The following KCND2 variants were observed in gnomAD, a reference collection of about 807,000 sequenced individuals.
KCND2 encodes the protein potassium voltage-gated channel subfamily D member 2.
A neutral mutation model predicts 54.4 loss-of-function variants in KCND2; 16 were observed. The observed-to-expected ratio is 0.29, with a 90% CI of 0.20 to 0.45. The LOEUF (loss-of-function observed/expected upper bound fraction) is 0.45. Ranked by LOEUF, KCND2 falls within the 20% of genes least tolerant of loss-of-function variation. The probability of loss-of-function intolerance (pLI) is 1.00; values close to 1 mark genes in which losing one functional copy is unlikely to be tolerated. For synonymous variants in KCND2, 317 were observed against 310.7 expected, an observed-to-expected ratio of 1.02 and a Z score of -0.21; for missense variants, 486 against 824.2, an observed-to-expected ratio of 0.59 and a Z score of 5.02.
chr7:120,612,150 T>G (rs545154085), intron 1 of KCND2, among the ~76,000 whole-genome samples: 20 of 151,198 alleles, frequency 1.3e-4, no homozygotes, highest in African/African-American at 4.9e-4. Flanking sequence ...AGAGAGCTAT[T>G]GCATCATTGC....
At chr7:120,590,211 G>A (rs1792653120) in intron 1 of KCND2, among the ~76,000 whole-genome samples, 1 of 152,034 alleles carries the variant, frequency 6.6e-6, no homozygotes, top group Admixed American at 6.6e-5. Context: ...TAGAGATGGG[G>A]TTTCACCATA....
chr7:120,398,293 T>C (rs1801190406), intron 1 of KCND2, among the ~76,000 whole-genome samples: 1 of 151,788 alleles, frequency 6.6e-6, no homozygotes, highest in African/African-American at 2.4e-5. Flanking sequence ...TTGAGAATTA[T>C]CTTGGAAATC....
At chr7:120,461,592 G>A (rs1802284555) in intron 1 of KCND2, among the ~76,000 whole-genome samples, 1 of 152,080 alleles carries the variant, frequency 6.6e-6, no homozygotes, top group Admixed American at 6.6e-5. Context: ...ATGCTGCTAA[G>A]TACTTGAGGT....
rs759385041 is a variant in KCND2 at position 120,746,062 on chromosome 7, GTGC to G, written c.1715+38_1715+40del. On this transcript the variant is annotated intron_variant, in intron 5 of 5. Coordinates refer to ENST00000331113, the MANE Select transcript of KCND2 (RefSeq NM_012281.3). ...ATTAATCTGTGTTGTCTACACACCT[GTGC>G]TGGTTCCCAGGGTGTGTCTTCTGCA... 5 of 1,606,800 alleles carry G rather than the reference GTGC, an allele frequency of 3.1e-6. No individual in the cohort carries two copies. The East Asian group carries it at 1.1e-4, about 36-fold the overall frequency.
intron 1 of KCND2, among the ~76,000 whole-genome samples, chr7:120,723,839 G>A (rs1307256322): frequency 6.6e-6 from 1 of 152,206 alleles, no homozygotes; most frequent in South Asian, 2.1e-4. Context: ...GGCAGGTCTC[G>A]CCACTTCTAT....
intron 1 of KCND2, among the ~76,000 whole-genome samples, chr7:120,677,786 A>G (rs1439444324): frequency 6.6e-6 from 1 of 151,966 alleles, no homozygotes; most frequent in Admixed American, 6.6e-5. Context: ...TGTTACTTCA[A>G]AGACTAGCTT....
intron 2 of KCND2, among the ~76,000 whole-genome samples, chr7:120,735,390 C>T (rs1792857950): frequency 6.6e-6 from 1 of 151,962 alleles, no homozygotes; most frequent in African/African-American, 2.4e-5. Context: ...AGGATCCTAC[C>T]AAAAGTTTAA....
intron 1 of KCND2, among the ~76,000 whole-genome samples, chr7:120,403,604 AC>A (rs1801300374): frequency 6.6e-6 from 1 of 151,194 alleles, no homozygotes; most frequent in Non-Finnish European, 1.5e-5. Context: ...TACTGGGATT[AC>A]TGGCATGAGC....
At position 120,747,959 on chromosome 7, in the gene KCND2, G is replaced by A. The variant is rs1195488314; in HGVS notation, c.*101G>A. On this transcript the variant is annotated 3_prime_UTR_variant, in exon 6 of 6. Coordinates refer to ENST00000331113, the MANE Select transcript of KCND2 (RefSeq NM_012281.3). ...AATAAATATTCTGCAGATTAATGCA[G>A]CAAAGAAAGAAGGTTGGTAGTGAAA... 2.1e-6 allele frequency: 2 copies of A among 972,916 alleles called. No individual in the cohort carries two copies. The highest frequency in any genetic ancestry group is 1.6e-6 in the Non-Finnish European group (1 of 634,484). 60.3% of individuals were successfully genotyped at this position (972,916 alleles called of 1,614,324 possible).
chr7:120,630,438 G>A (rs760932730), intron 1 of KCND2, among the ~76,000 whole-genome samples: 1 of 151,886 alleles, frequency 6.6e-6, no homozygotes, highest in Non-Finnish European at 1.5e-5. Context: ...CATTGCTTTG[G>A]TTATGAAATA....
chr7:120,385,909 G>T (rs1800981129), intron 1 of KCND2, among the ~76,000 whole-genome samples: 1 of 152,040 alleles, frequency 6.6e-6, no homozygotes, highest in African/African-American at 2.4e-5. Flanking sequence ...GTTATTTTCA[G>T]GCTCAACTGG....
chr7:120,291,862 T>C (rs189966283), intron 1 of KCND2, among the ~76,000 whole-genome samples: 16 of 152,052 alleles, frequency 1.1e-4, no homozygotes, highest in Admixed American at 2.6e-4. Context: ...TGTAGTCAAA[T>C]TAGAGCTCAA....
At chr7:120,583,066 C>T (rs951348174) in intron 1 of KCND2, among the ~76,000 whole-genome samples, 57 of 152,014 alleles carry the variant, frequency 3.7e-4, no homozygotes, top group East Asian at 1.4e-3. Context: ...ACAGTGTAAC[C>T]AGTAGTTCTG....
Position 120,393,212 on chromosome 7 carries a change from G to C in KCND2, c.1115+117465G>C, listed in dbSNP as rs138232641. On this transcript the variant is annotated intron_variant, in intron 1 of 5. Coordinates refer to ENST00000331113, the MANE Select transcript of KCND2 (RefSeq NM_012281.3). ...CAATATTTAATTTCTGTGAATCTTA[G>C]TCTACATGTATTTTTAAAAATAGGA... Among the ~76,000 whole-genome samples the C allele has an allele frequency of 9.9e-5, 15 of 151,966 alleles. No homozygotes were observed. The East Asian group carries it at 2.7e-3, about 27-fold the overall frequency.
At chr7:120,637,743 A>G (rs1793322757) in intron 1 of KCND2, among the ~76,000 whole-genome samples, 1 of 152,120 alleles carries the variant, frequency 6.6e-6, no homozygotes. Context: ...TATGTTCTTC[A>G]CATTTCTCAA....
At chr7:120,400,386 T>C (rs1242736203) in intron 1 of KCND2, among the ~76,000 whole-genome samples, 1 of 152,130 alleles carries the variant, frequency 6.6e-6, no homozygotes, top group East Asian at 1.9e-4. Context: ...GTCATGTCAC[T>C]AAAGTTACTC....
intron 1 of KCND2, among the ~76,000 whole-genome samples, chr7:120,525,696 T>A (rs555981793): frequency 1.3e-5 from 2 of 152,300 alleles, no homozygotes; most frequent in South Asian, 4.1e-4. Context: ...CTAAGGCAAG[T>A]GAACACAATG....
intron 1 of KCND2, among the ~76,000 whole-genome samples, chr7:120,500,947 A>G (rs1159605152): frequency 6.6e-6 from 1 of 151,840 alleles, no homozygotes; most frequent in East Asian, 1.9e-4. Context: ...TAATGGTTAA[A>G]TCCTATATTT....
At chr7:120,633,862 G>T (rs372813500) in intron 1 of KCND2, among the ~76,000 whole-genome samples, 19 of 152,262 alleles carry the variant, frequency 1.2e-4, no homozygotes, top group African/African-American at 4.6e-4. Flanking sequence ...CTGAAAGAGA[G>T]CCAGGATCTT....
Sources: gnomAD v4.1 joint callset for allele counts (sites outside exome capture counted in the v4.1 genomes callset) on GRCh38, gnomAD v4.1.1 for gene constraint, MANE v1.5 for transcripts, NCBI Gene and HGNC (gene_info 2026-07-23, HGNC 2026-07-21) for gene names.